CLNK: variants seen among roughly 807,000 people sequenced by gnomAD.
CLNK encodes cytokine-dependent hematopoietic cell linker.
In CLNK, 74 loss-of-function variants were observed where a neutral mutation model predicts 68.6. The ratio of observed to expected loss-of-function variants is 1.08; its 90% CI spans 0.89 to 1.31. The LOEUF (loss-of-function observed/expected upper bound fraction) is 1.31, where lower values mean the gene tolerates loss of function less well. Among genes scored for constraint, CLNK ranks in the 50% most tolerant of loss-of-function variants. The pLI, the probability that CLNK is intolerant of heterozygous loss-of-function variation, is 0.00. For synonymous variants in CLNK, 198 were observed against 172.2 expected, an observed-to-expected ratio of 1.15 and a Z score of -1.17; for missense variants, 553 against 515.3, an observed-to-expected ratio of 1.07 and a Z score of -0.71.
chr4:10,522,669 G>A (rs946601823), intron 14 of CLNK, among the ~76,000 whole-genome samples: 1 of 152,172 alleles, frequency 6.6e-6, no homozygotes, highest in Admixed American at 6.5e-5. Context: ...GTATGTTCTG[G>A]GGAATAGACA....
intron 4 of CLNK, among the ~76,000 whole-genome samples, chr4:10,584,296 G>A (rs186286497): frequency 9.1e-4 from 139 of 152,196 alleles, no homozygotes; most frequent in Non-Finnish European, 1.3e-3. Flanking sequence ...TGACTCCATC[G>A]CTTCTTTGGT....
intron 14 of CLNK, among the ~76,000 whole-genome samples, chr4:10,521,812 T>C (rs939255899): frequency 1.3e-5 from 2 of 152,156 alleles, no homozygotes; most frequent in Admixed American, 6.5e-5. Context: ...GTTAAATGTC[T>C]GGGAAAAAAT....
chr4:10,543,668 C>T (rs1352193092), intron 8 of CLNK, among the ~76,000 whole-genome samples: 3 of 152,208 alleles, frequency 2.0e-5, no homozygotes, highest in Non-Finnish European at 4.4e-5. Context: ...CAACACAATG[C>T]AACACAGCAC....
chr4:10,613,277 T>A (rs1181006159), intron 2 of CLNK, among the ~76,000 whole-genome samples: 3 of 152,042 alleles, frequency 2.0e-5, no homozygotes, highest in Non-Finnish European at 2.9e-5. Context: ...GTATGAATAG[T>A]CCTTGGGGTG....
chr4:10,566,268 G>C, intron 5 of CLNK, 118 bp from the exon 6 acceptor site: 1 of 956,810 alleles, frequency 1.0e-6, no homozygotes, highest in East Asian at 2.4e-5. Context: ...AAATATTTAA[G>C]AATCTAGGGT....
chr4:10,615,085 C>T (rs1380244493), intron 2 of CLNK, among the ~76,000 whole-genome samples: 1 of 152,108 alleles, frequency 6.6e-6, no homozygotes, highest in Admixed American at 6.5e-5. Context: ...ACTCAGGTGA[C>T]TGAAGCAGGA....
rs533585791 is a variant in CLNK at position 10,566,305 on chromosome 4, C to A, written c.151-155G>T. 2.0e-5 allele frequency among the ~76,000 whole-genome samples: 3 copies of A among 152,296 alleles called. No homozygotes were observed. The South Asian group carries it at 6.2e-4, about 32-fold the overall frequency. ...TGGGATCTTAAATAGAAGTTTAATT[C>A]TTGTGCTAGTGAGAATTCTAAAGAT... On this transcript the variant is annotated intron_variant, in intron 5 of 18. Transcript: ENST00000226951.
At chr4:10,712,923 T>C in the CLNK span, among the ~76,000 whole-genome samples, 2 of 152,188 alleles carry the variant, frequency 1.3e-5, no homozygotes, top group South Asian at 4.1e-4. Context: ...ACTTAGCTCA[T>C]GAAGTTAATT....
intron 11 of CLNK, among the ~76,000 whole-genome samples, chr4:10,536,573 C>T (rs1294449345): frequency 2.0e-5 from 3 of 152,090 alleles, no homozygotes; most frequent in African/African-American, 4.8e-5. Flanking sequence ...TTCTCTGAAG[C>T]GTGGTGACCT....
At chr4:10,703,874 C>T in the CLNK span, among the ~76,000 whole-genome samples, 1 of 152,082 alleles carries the variant, frequency 6.6e-6, no homozygotes, top group East Asian at 1.9e-4. Flanking sequence ...CCTTATGGGA[C>T]CACTGTTGTA....
Position 10,487,436 on chromosome 4 carries a change from C to T in CLNK, c.*3031G>A, listed in dbSNP as rs1371060237. The T allele has an allele frequency of 6.6e-6, 1 of 152,076 alleles. No individual in the cohort carries two copies. The highest frequency in any genetic ancestry group is 1.5e-5 in the Non-Finnish European group (1 of 68,038). 9.4% of individuals were successfully genotyped at this position (152,076 alleles called of 1,614,324 possible). On this transcript the variant is annotated 3_prime_UTR_variant, in exon 19 of 19. Coordinates refer to ENST00000226951, the MANE Select transcript of CLNK (RefSeq NM_052964.4). Reference sequence around the variant, plus strand: ...TATATACTCTTATTATTTAATCATCCATTACAAGCAAAATGTAAATGTGAT... The same window carrying T: ...TATATACTCTTATTATTTAATCATCTATTACAAGCAAAATGTAAATGTGAT...
intron 14 of CLNK, among the ~76,000 whole-genome samples, chr4:10,523,611 CAAAT>C (rs756013384): frequency 2.4e-5 from 3 of 123,758 alleles, no homozygotes; most frequent in Non-Finnish European, 6.0e-5. Flanking sequence ...AACAAACAAA[CAAAT>C]AAACAAAAGA....
intron 16 of CLNK, among the ~76,000 whole-genome samples, chr4:10,511,448 C>T (rs13125670): frequency 0.39 from 58,555 of 151,954 alleles, 11,747 homozygotes; most frequent in Non-Finnish European, 0.46. Flanking sequence ...CAGCCATTTC[C>T]GCTATCCATC....
intron 4 of CLNK, among the ~76,000 whole-genome samples, chr4:10,573,720 G>C (rs1023047621): frequency 6.6e-6 from 1 of 152,176 alleles, no homozygotes; most frequent in Non-Finnish European, 1.5e-5. Context: ...GTGCGGTCAT[G>C]ATACTGACAT....
At chr4:10,624,410 A>C (rs1722581762) in intron 2 of CLNK, among the ~76,000 whole-genome samples, 1 of 151,986 alleles carries the variant, frequency 6.6e-6, no homozygotes, top group South Asian at 2.1e-4. Context: ...CTCCTGCCTC[A>C]GCCTCCCGAG....
chr4:10,670,529 C>T (rs1049832745), intron 1 of CLNK, among the ~76,000 whole-genome samples: 1 of 152,242 alleles, frequency 6.6e-6, no homozygotes, highest in African/African-American at 2.4e-5. Flanking sequence ...AAGGCTTATG[C>T]CTCAAATCAG....
At chr4:10,660,425 C>A (rs1223867244) in intron 2 of CLNK, among the ~76,000 whole-genome samples, 7 of 152,162 alleles carry the variant, frequency 4.6e-5, no homozygotes, top group Non-Finnish European at 1.0e-4. Context: ...AAGGAAATAT[C>A]CAATACCATT....
At chr4:10,621,842 G>A (rs2108861634) in intron 2 of CLNK, among the ~76,000 whole-genome samples, 1 of 152,282 alleles carries the variant, frequency 6.6e-6, no homozygotes. Flanking sequence ...GGGCTCCACA[G>A]GTAAGAGATG....
the CLNK span, among the ~76,000 whole-genome samples, chr4:10,690,262 C>T: frequency 6.6e-6 from 1 of 152,156 alleles, no homozygotes; most frequent in African/African-American, 2.4e-5. Context: ...CCTGACTAAA[C>T]CATCCCACAG....
Sources: allele counts gnomAD v4.1 joint callset (sites outside exome capture counted in the v4.1 genomes callset), GRCh38; gene constraint gnomAD v4.1.1; transcripts MANE v1.5; gene names NCBI Gene and HGNC (gene_info 2026-07-23, HGNC 2026-07-21).